The following SLC35D4 variants were observed in gnomAD, a reference collection of about 807,000 sequenced individuals.
SLC35D4 encodes solute carrier family 35 member D4.
chr18:23,252,387 C>T, the SLC35D4 span, among the ~76,000 whole-genome samples: 2 of 152,036 alleles, frequency 1.3e-5, no homozygotes, highest in Non-Finnish European at 2.9e-5. Flanking sequence ...GTGTATTTTA[C>T]CACCATTTAA....
At chr18:23,254,211 C>T in the SLC35D4 span, among the ~76,000 whole-genome samples, 5,766 of 152,332 alleles carry the variant, frequency 0.038, 384 homozygotes, top group Admixed American at 0.17. Context: ...ATTCCCACAG[C>T]CATAGAAGCC....
chr18:23,368,404 G>T, the SLC35D4 span, among the ~76,000 whole-genome samples: 9 of 152,208 alleles, frequency 5.9e-5, no homozygotes, highest in Non-Finnish European at 1.3e-4. Flanking sequence ...ACATGGGTGG[G>T]GGATTCAAGG....
chr18:23,242,193 G>A, the SLC35D4 span, among the ~76,000 whole-genome samples: 6 of 152,130 alleles, frequency 3.9e-5, no homozygotes, highest in South Asian at 4.1e-4. Context: ...CAGGAGAATC[G>A]CTTGAACCCA....
chr18:23,310,279 A>T, the SLC35D4 span: 1 of 985,224 alleles, frequency 1.0e-6, no homozygotes, highest in Non-Finnish European at 1.2e-6. Flanking sequence ...ATCCTGGGGA[A>T]AGGAGTGATT....
chr18:23,349,733 C>T, the SLC35D4 span, among the ~76,000 whole-genome samples: 1 of 152,188 alleles, frequency 6.6e-6, no homozygotes. Flanking sequence ...CTTATAAGTT[C>T]ACTTATTCTT....
the SLC35D4 span, among the ~76,000 whole-genome samples, chr18:23,278,254 C>G: frequency 3.9e-5 from 6 of 152,282 alleles, no homozygotes; most frequent in Admixed American, 3.9e-4. Flanking sequence ...AGGCTGAACC[C>G]TCCCAGAAGG....
chr18:23,292,235 C>T, the SLC35D4 span, among the ~76,000 whole-genome samples: 1 of 152,334 alleles, frequency 6.6e-6, no homozygotes, highest in Admixed American at 6.5e-5. Flanking sequence ...GGTCTGGAAG[C>T]TTTTCCTTCA....
At chr18:23,320,535 C>T in the SLC35D4 span, among the ~76,000 whole-genome samples, 3 of 152,218 alleles carry the variant, frequency 2.0e-5, no homozygotes, top group Admixed American at 6.5e-5. Context: ...ATTTACATGC[C>T]TATGTCTTTG....
the SLC35D4 span, among the ~76,000 whole-genome samples, chr18:23,308,353 T>TCCAGTGGA: frequency 6.6e-6 from 1 of 152,172 alleles, no homozygotes; most frequent in South Asian, 2.1e-4. Context: ...CTCCACTCTG[T>TCCAGTGGA]GGTCCAACAG....
chr18:23,366,075 C>A, the SLC35D4 span, among the ~76,000 whole-genome samples: 3 of 152,206 alleles, frequency 2.0e-5, no homozygotes, highest in Non-Finnish European at 4.4e-5. Context: ...ATTTTTGCCA[C>A]AAAATCAACT....
chr18:23,284,687 CCT>C, the SLC35D4 span, among the ~76,000 whole-genome samples: 1 of 152,182 alleles, frequency 6.6e-6, no homozygotes, highest in African/African-American at 2.4e-5. Flanking sequence ...TCAGAATAAA[CCT>C]CTTTAAAACA....
chr18:23,431,153 C>CAAAAAAAAAAAAAAAAAAAAAAAAAA, the SLC35D4 span, among the ~76,000 whole-genome samples: 3 of 66,248 alleles, frequency 4.5e-5, no homozygotes, highest in African/African-American at 1.3e-4. Context: ...GAGTATATCT[C>CAAAAAAAAAAAAAAAAAAAAAAAAAA]AAAAAAAAAA....
the SLC35D4 span, among the ~76,000 whole-genome samples, chr18:23,371,935 G>GTTTTTTTTGTTTTTTTTT: frequency 8.5e-5 from 3 of 35,476 alleles, no homozygotes; most frequent in African/African-American, 3.5e-4. Context: ...TGTTTTTTTT[G>GTTTTTTTTGTTTTTTTTT]TTTTTTTTTT....
At chr18:23,365,732 A>G in the SLC35D4 span, 1 of 1,583,500 alleles carries the variant, frequency 6.3e-7, no homozygotes, top group African/African-American at 1.3e-5. Context: ...AGCTGTTCCC[A>G]CACATTTTAC....
At chr18:23,387,507 C>T in the SLC35D4 span, among the ~76,000 whole-genome samples, 2 of 152,216 alleles carry the variant, frequency 1.3e-5, no homozygotes, top group African/African-American at 4.8e-5. Context: ...TCAGCAGCCT[C>T]TGCAGAGGAC....
chr18:23,242,457 C>T, the SLC35D4 span, among the ~76,000 whole-genome samples: 1 of 152,128 alleles, frequency 6.6e-6, no homozygotes, highest in Admixed American at 6.5e-5. Flanking sequence ...GCTCTCTGCA[C>T]CTCTTGGCAT....
the SLC35D4 span, among the ~76,000 whole-genome samples, chr18:23,378,559 T>C: frequency 6.6e-6 from 1 of 152,250 alleles, no homozygotes; most frequent in African/African-American, 2.4e-5. Flanking sequence ...TGATTTGGAC[T>C]CACCCTTATA....
At chr18:23,308,572 G>A in the SLC35D4 span, among the ~76,000 whole-genome samples, 1 of 151,870 alleles carries the variant, frequency 6.6e-6, no homozygotes, top group African/African-American at 2.4e-5. Context: ...CACCTCCACT[G>A]CTATCAGCCA....
the SLC35D4 span, among the ~76,000 whole-genome samples, chr18:23,405,650 A>G: frequency 1 from 151,717 of 152,370 alleles, 75,538 homozygotes; most frequent in Middle Eastern, 1. Flanking sequence ...ACCAAGTCCA[A>G]TGGGAGAGGT....
Sources: gnomAD v4.1 joint callset for allele counts (sites outside exome capture counted in the v4.1 genomes callset) on GRCh38, gnomAD v4.1.1 for gene constraint, MANE v1.5 for transcripts, NCBI Gene and HGNC (gene_info 2026-07-23, HGNC 2026-07-21) for gene names.